PCDHA13: variants seen among roughly 807,000 people sequenced by gnomAD.
PCDHA13 encodes the protein protocadherin alpha-13.
In PCDHA13, 54 loss-of-function variants were observed where a neutral mutation model predicts 64.8. The ratio of observed to expected loss-of-function variants is 0.83; its 90% CI spans 0.67 to 1.04. The LOEUF is 1.04. Ranked by LOEUF, PCDHA13 falls within the 50% of genes least tolerant of loss-of-function variation. The pLI, the probability that PCDHA13 is intolerant of heterozygous loss-of-function variation, is 0.00. For synonymous variants in PCDHA13, 587 were observed against 564.4 expected, an observed-to-expected ratio of 1.04 and a Z score of -0.57; for missense variants, 1,248 against 1,254.3, an observed-to-expected ratio of 0.99 and a Z score of 0.08.
intron 1 of PCDHA13, among the ~76,000 whole-genome samples, chr5:140,938,013 A>G (rs1310661606): frequency 6.6e-6 from 1 of 152,220 alleles, no homozygotes; most frequent in Non-Finnish European, 1.5e-5. Flanking sequence ...TTCTTGCTAA[A>G]TAGTAAAATC....
Position 140,884,210 on chromosome 5 carries a change from C to G in PCDHA13, c.1942C>G (p.Leu648Val). 6.2e-7 allele frequency: 1 copy of G among 1,613,532 alleles called. No homozygotes were observed. The highest frequency in any genetic ancestry group is 1.1e-5 in the South Asian group (1 of 91,056). The change falls in exon 1 of 4, where the codon CTG becomes GTG. Residue 648 changes from leucine to valine, a missense_variant. Coordinates refer to ENST00000289272, the MANE Select transcript of PCDHA13 (RefSeq NM_018904.3). ...DEVDAPHHRL[L>V]VLVKDHGEPA... ...GGTGGACGCGCCGCACCACCGCCTT[C>G]TGGTGCTGGTGAAGGACCACGGTGA...
chr5:140,897,361 G>A (rs1455815825), intron 1 of PCDHA13, among the ~76,000 whole-genome samples: 1 of 123,218 alleles, frequency 8.1e-6, no homozygotes, highest in Non-Finnish European at 1.6e-5. Context: ...TGTCCCCAGA[G>A]TGTGATGTTC....
chr5:140,928,379 G>C, intron 1 of PCDHA13: 1 of 1,614,172 alleles, frequency 6.2e-7, no homozygotes, highest in Non-Finnish European at 8.5e-7. Flanking sequence ...TCAGCCTCTA[G>C]CTTGCTGGCA....
chr5:140,887,286 T>TG (rs1171397329), intron 1 of PCDHA13, among the ~76,000 whole-genome samples: 1 of 151,952 alleles, frequency 6.6e-6, no homozygotes, highest in Non-Finnish European at 1.5e-5. Context: ...TTAGTAGAGA[T>TG]GGGGTTTCAT....
intron 1 of PCDHA13, chr5:140,969,583 AG>A: frequency 1.1e-6 from 1 of 914,068 alleles, no homozygotes; most frequent in South Asian, 1.9e-5. Context: ...AGTGAGGATT[AG>A]TCTTAATATT....
chr5:140,983,900 G>T (rs1345141422), intron 3 of PCDHA13, among the ~76,000 whole-genome samples: 1 of 152,198 alleles, frequency 6.6e-6, no homozygotes, highest in Admixed American at 6.5e-5. Context: ...GGCATTCGTT[G>T]ATTCTAATCA....
In PCDHA13 at chr5:140,982,530, C is replaced by G; in HGVS notation, c.2509C>G (p.Gln837Glu). The G allele has an allele frequency of 1.2e-6, 2 of 1,614,200 alleles. No homozygotes were observed. The highest frequency in any genetic ancestry group is 3.3e-5 in the Admixed American group (2 of 60,020). ...ILRAGPGGPDQQWPTVSSATP... is the reference protein window; with the variant it reads ...ILRAGPGGPDEQWPTVSSATP... ...ACGGGCTGGTCCAGGAGGGCCTGATCAGCAGTGGCCAACAGTATCCAGTGC... is the reference window on the plus strand; with the variant it reads ...ACGGGCTGGTCCAGGAGGGCCTGATGAGCAGTGGCCAACAGTATCCAGTGC... The change falls in exon 3 of 4, where the codon CAG (glutamine) becomes GAG (glutamate). Residue 837 changes from glutamine to glutamate, a missense_variant. By Grantham distance (29) the Gln-to-Glu change is conservative. Transcript: ENST00000289272.
intron 3 of PCDHA13, among the ~76,000 whole-genome samples, chr5:140,985,103 A>G (rs1342526252): frequency 6.6e-6 from 1 of 151,694 alleles, no homozygotes; most frequent in African/African-American, 2.4e-5. Context: ...AAGCCTGGCT[A>G]ATTTTTTGTG....
chr5:140,884,015 C>T lies in PCDHA13; in HGVS notation c.1747C>T (p.Arg583Trp). 1 of 1,613,158 alleles carries T rather than the reference C, an allele frequency of 6.2e-7. No individual in the cohort carries two copies. Reference protein sequence around the residue: ...AGGTVSELMPRSVGAGHVVAK... With the variant: ...AGGTVSELMPWSVGAGHVVAK... ...AGGCACAGTGAGCGAGCTGATGCCGCGGTCGGTGGGTGCAGGCCACGTGGT... is the reference window on the plus strand; with the variant it reads ...AGGCACAGTGAGCGAGCTGATGCCGTGGTCGGTGGGTGCAGGCCACGTGGT... Residue 583 changes from arginine to tryptophan, a missense_variant, in exon 1 of 4, where the codon CGG (arginine) becomes TGG (tryptophan). Arg to Trp is a moderately radical substitution (Grantham distance 101, BLOSUM62 -3). Coordinates refer to ENST00000289272, the MANE Select transcript of PCDHA13 (RefSeq NM_018904.3).
chr5:140,965,924 C>A (rs548082207), intron 1 of PCDHA13, among the ~76,000 whole-genome samples: 1 of 152,212 alleles, frequency 6.6e-6, no homozygotes, highest in Non-Finnish European at 1.5e-5. Context: ...TTTAGGCTTG[C>A]TCCCGGAAAG....
At chr5:140,924,895 AAAAAAAAAAAT>A (rs1321698386) in intron 1 of PCDHA13, among the ~76,000 whole-genome samples, 1,704 of 132,168 alleles carry the variant, frequency 0.013, 31 homozygotes, top group African/African-American at 0.056. Flanking sequence ...AACCTGTCTC[AAAAAAAAAAAT>A]AAAATAAAAT....
chr5:140,930,917 G>A (rs528997377), intron 1 of PCDHA13, among the ~76,000 whole-genome samples: 3 of 152,272 alleles, frequency 2.0e-5, no homozygotes, highest in African/African-American at 7.2e-5. Context: ...TACTTTAGAT[G>A]TGTATATGTG....
rs782277287 is a variant in PCDHA13 at position 140,929,397 on chromosome 5, T to C, written c.2394+44735T>C. 4.6e-6 allele frequency: 7 copies of C among 1,509,852 alleles called. No homozygotes were observed. In the South Asian group the frequency reaches 9.5e-5, roughly 21 times the overall value. The allele number at this position is 1,509,852 out of a possible 1,614,324, so 93.5% of individuals were successfully genotyped here. A position where few individuals can be genotyped will look rare whatever the true frequency, so the allele number is the denominator to read the frequency against. Reference sequence around the variant, plus strand: ...GCTAGCTGTGTTTTGAAATATTTCTTAGACAAGCCTTTCACAACATTTCAT... The same window carrying C: ...GCTAGCTGTGTTTTGAAATATTTCTCAGACAAGCCTTTCACAACATTTCAT... On this transcript the variant is annotated intron_variant, in intron 1 of 3. Transcript: ENST00000289272.
chr5:140,967,154 G>A, intron 1 of PCDHA13: 2 of 1,610,730 alleles, frequency 1.2e-6, no homozygotes, highest in Non-Finnish European at 1.7e-6. Flanking sequence ...CAACCCCGTG[G>A]CGGTGAGCGC....
intron 1 of PCDHA13, among the ~76,000 whole-genome samples, chr5:140,906,808 C>A (rs902394073): frequency 6.6e-6 from 1 of 152,214 alleles, no homozygotes; most frequent in Non-Finnish European, 1.5e-5. Flanking sequence ...CTCTTCCTTA[C>A]CTCCACTGTG....
chr5:140,968,134 G>C, intron 1 of PCDHA13: 1 of 1,614,146 alleles, frequency 6.2e-7, no homozygotes, highest in Non-Finnish European at 8.5e-7. Context: ...GTACACTGAA[G>C]GTTGAGATCT....
At chr5:140,937,821 A>G (rs1270019197) in intron 1 of PCDHA13, among the ~76,000 whole-genome samples, 2 of 151,608 alleles carry the variant, frequency 1.3e-5, no homozygotes, top group Non-Finnish European at 2.9e-5. Flanking sequence ...CTGAGGCAGG[A>G]GAATGGCATG....
intron 1 of PCDHA13, among the ~76,000 whole-genome samples, chr5:140,886,602 C>T (rs1167539535): frequency 6.6e-6 from 1 of 151,756 alleles, no homozygotes; most frequent in Non-Finnish European, 1.5e-5. Flanking sequence ...CCAAGGTGGG[C>T]GGATCAGGAG....
chr5:140,929,532 G>T, intron 1 of PCDHA13: 1 of 602,214 alleles, frequency 1.7e-6, no homozygotes, highest in Non-Finnish European at 2.5e-6. Flanking sequence ...TTATTTTTGA[G>T]AAACAAGGGC....
Sources: gnomAD v4.1 joint callset for allele counts (sites outside exome capture counted in the v4.1 genomes callset) on GRCh38, gnomAD v4.1.1 for gene constraint, MANE v1.5 for transcripts, NCBI Gene and HGNC (gene_info 2026-07-23, HGNC 2026-07-21) for gene names.